Variants in TMEM39A observed in about 807,000 individuals in gnomAD.
The protein encoded by TMEM39A is transmembrane protein 39A, also known as suppressor of SQST-1 aggregates in rpl-43 mutants.
A neutral mutation model predicts 51.9 loss-of-function variants in TMEM39A; 19 were observed. The ratio of observed to expected loss-of-function variants is 0.37; its 90% CI spans 0.26 to 0.54. TMEM39A has a LOEUF of 0.54. Among genes scored for constraint, TMEM39A ranks in the 20% least tolerant of loss-of-function variants. TMEM39A has a pLI of 0.88. For synonymous variants in TMEM39A, 197 were observed against 220.2 expected, an observed-to-expected ratio of 0.89 and a Z score of 0.93; for missense variants, 433 against 590.5, an observed-to-expected ratio of 0.73 and a Z score of 2.76.
In TMEM39A at chr3:119,447,757, T is replaced by A. The variant is rs577836117; in HGVS notation, c.421-585A>T. ...CTCCTGCCTCAGCCTCCTGAGTAGC[T>A]GGGATACAGGCGTACACCACCACGC... On this transcript the variant is annotated intron_variant, in intron 4 of 8. Coordinates refer to ENST00000319172, the MANE Select transcript of TMEM39A (RefSeq NM_018266.3). 3.3e-4 allele frequency among the ~76,000 whole-genome samples: 50 copies of A among 152,246 alleles called. No individual in the cohort carries two copies. The South Asian group carries it at 9.8e-3, about 30-fold the overall frequency.
chr3:119,441,609 T>TA (rs1034036109), intron 5 of TMEM39A, among the ~76,000 whole-genome samples: 2 of 152,178 alleles, frequency 1.3e-5, no homozygotes, highest in African/African-American at 4.8e-5. Flanking sequence ...TCCCATAACA[T>TA]AAAAGCACAA....
intron 5 of TMEM39A, among the ~76,000 whole-genome samples, chr3:119,438,522 A>C (rs181165966): frequency 4.4e-4 from 67 of 152,298 alleles, no homozygotes; most frequent in Admixed American, 1.3e-3. Flanking sequence ...GCATGTGTGT[A>C]TATTGAGTAT....
chr3:119,453,607 CCTG>C (rs1258621551), intron 3 of TMEM39A, among the ~76,000 whole-genome samples: 2 of 152,192 alleles, frequency 1.3e-5, no homozygotes, highest in African/African-American at 4.8e-5. Flanking sequence ...CTTTCTCCTT[CCTG>C]CTGGTCAGAT....
chr3:119,458,861 C>G (rs1446078326), intron 2 of TMEM39A, among the ~76,000 whole-genome samples: 2 of 152,108 alleles, frequency 1.3e-5, no homozygotes, highest in African/African-American at 4.8e-5. Context: ...CACCATTGCA[C>G]TACAGCCTGG....
chr3:119,454,529 C>T (rs945104704), intron 3 of TMEM39A, among the ~76,000 whole-genome samples: 3 of 152,190 alleles, frequency 2.0e-5, no homozygotes, highest in East Asian at 1.9e-4. Context: ...CGGTGGCTCA[C>T]GCCTGTAATC....
At chr3:119,437,708 T>C (rs950476171) in intron 6 of TMEM39A, 47 bp downstream of exon 6, 1 of 1,409,960 alleles carries the variant, frequency 7.1e-7, no homozygotes, top group African/African-American at 1.4e-5. Context: ...GTTTATGTAA[T>C]TCACACACAA....
At chr3:119,457,197 C>T (rs2081276940) in intron 3 of TMEM39A, among the ~76,000 whole-genome samples, 1 of 151,508 alleles carries the variant, frequency 6.6e-6, no homozygotes, top group African/African-American at 2.4e-5. Flanking sequence ...GTCTCGATCT[C>T]TTAACTTCGT....
intron 2 of TMEM39A, 24 bp downstream of exon 2, chr3:119,461,938 T>A: frequency 6.4e-7 from 1 of 1,566,524 alleles, no homozygotes; most frequent in Non-Finnish European, 8.8e-7. Flanking sequence ...ATTAAAATTA[T>A]ATATAGCCTT....
intron 7 of TMEM39A, chr3:119,435,577 TAAAAAAAA>T (rs766264250): frequency 1.9e-6 from 1 of 521,354 alleles, no homozygotes; most frequent in African/African-American, 2.2e-5. Flanking sequence ...TTAAGCTTTT[TAAAAAAAA>T]AAAAAAAAAT....
chr3:119,431,933 G>A lies in TMEM39A; in HGVS notation c.*48C>T, dbSNP rs779001283. Reference sequence around the variant, plus strand: ...AAAAATCACAAGAAAAAAATAGAACGTATGAAAATATTTTTATCTGAGTTC... The same window carrying A: ...AAAAATCACAAGAAAAAAATAGAACATATGAAAATATTTTTATCTGAGTTC... On this transcript the variant is annotated 3_prime_UTR_variant, in exon 9 of 9. Transcript: ENST00000319172. 14 of 1,218,108 alleles carry A rather than the reference G, an allele frequency of 1.1e-5. No individual in the cohort carries two copies. Among genetic ancestry groups the A allele is most frequent in the South Asian group, 1.7e-5 (1 of 58,116 alleles). The allele number at this position is 1,218,108 out of a possible 1,614,324, so 75.5% of individuals were successfully genotyped here.
chr3:119,429,002 G>C lies in TMEM39A; in HGVS notation c.*2979C>G, dbSNP rs2080867831. 6.6e-6 allele frequency among the ~76,000 whole-genome samples: 1 copy of C among 152,058 alleles called. No individual in the cohort carries two copies. ...TTTATTGGGCTTCACACTCAAGATT[G>C]TTAATAGATCTGATATCTATTACGT... On this transcript the variant is annotated 3_prime_UTR_variant, in exon 9 of 9. Transcript: ENST00000319172.
At chr3:119,454,151 T>G (rs945047694) in intron 3 of TMEM39A, among the ~76,000 whole-genome samples, 1 of 152,192 alleles carries the variant, frequency 6.6e-6, no homozygotes, top group Non-Finnish European at 1.5e-5. Flanking sequence ...ATAATTATTG[T>G]AGTGGGGCAA....
Position 119,436,781 on chromosome 3 carries a change from G to C in TMEM39A, c.1112+10C>G. ...AAGTGTTACATGGTTTTACCCTCTA[G>C]CTTACTCACATGTGCTGTGGAGCAT... On this transcript the variant is annotated intron_variant, in intron 7 of 8. Coordinates refer to ENST00000319172, the MANE Select transcript of TMEM39A (RefSeq NM_018266.3). The C allele has an allele frequency of 6.2e-7, 1 of 1,605,440 alleles. No individual in the cohort carries two copies. The highest frequency in any genetic ancestry group is 8.5e-7 in the Non-Finnish European group (1 of 1,174,062).
At chr3:119,432,525 G>A (rs758351623) in intron 8 of TMEM39A, among the ~76,000 whole-genome samples, 3 of 151,926 alleles carry the variant, frequency 2.0e-5, no homozygotes, top group Non-Finnish European at 4.4e-5. Context: ...TTTTATTTAG[G>A]ATAAACACAA....
At chr3:119,443,063 C>CAAAAAAA in intron 5 of TMEM39A, among the ~76,000 whole-genome samples, 1 of 53,092 alleles carries the variant, frequency 1.9e-5, no homozygotes, top group Non-Finnish European at 3.7e-5. Flanking sequence ...GACCCTGTCT[C>CAAAAAAA]AAAAAAAAAA....
rs942610642 is a variant in TMEM39A at position 119,430,785 on chromosome 3, T to C, written c.*1196A>G. ...CAGAGCCAGCTTGTCAACGACATGA[T>C]TGGTCTTTTTACTTCATAAGTCTTA... On this transcript the variant is annotated 3_prime_UTR_variant, in exon 9 of 9. Transcript: ENST00000319172. 2 of 152,082 alleles carry C rather than the reference T, an allele frequency of 1.3e-5. No individual in the cohort carries two copies. Among genetic ancestry groups the C allele is most frequent in the Non-Finnish European group, 2.9e-5 (2 of 67,970 alleles). 9.4% of individuals were successfully genotyped at this position (152,082 alleles called of 1,614,324 possible).
chr3:119,446,354 T>C (rs181061242), intron 5 of TMEM39A, among the ~76,000 whole-genome samples: 3 of 151,110 alleles, frequency 2.0e-5, no homozygotes, highest in African/African-American at 4.8e-5. Context: ...GTCCATCTAA[T>C]AACCAAGTCC....
rs760101582 is a variant in TMEM39A, at chr3:119,436,942, G to A, written c.961C>T (p.His321Tyr). 6.2e-7 allele frequency: 1 copy of A among 1,613,856 alleles called. No homozygotes were observed. Among genetic ancestry groups the A allele is most frequent in the Non-Finnish European group, 8.5e-7 (1 of 1,179,814 alleles). ...QYYDMRWSCE[H>Y]LIMVWINAFV... ...GCATTGATCCACACCATAATGAGGT[G>A]CTCACATGACCAGCGCATGTCATAG... The change falls in exon 7 of 9, where the codon CAC becomes TAC. Residue 321 changes from histidine to tyrosine, a missense_variant. By Grantham distance (83) the His-to-Tyr change is moderately conservative (BLOSUM62 2). This residue lies in a region of TMEM39A where 223 missense variants were observed against 328.1 expected (regional missense o/e 0.68). Transcript: ENST00000319172.
chr3:119,462,155 G>A lies in TMEM39A; in HGVS notation c.-74-7C>T, dbSNP rs1381082435. ...TTGTCAACCAGTTTCAACTCTGAAC[G>A]ACAACAAAAACATTTAAACATCAGT... is the stretch of plus-strand genomic sequence containing the variant. On this transcript the variant is annotated splice_polypyrimidine_tract_variant and splice_region_variant and intron_variant, in intron 1 of 8. Transcript: ENST00000319172. 3 of 1,043,764 alleles carry A rather than the reference G, an allele frequency of 2.9e-6. No homozygotes were observed. The highest frequency in any genetic ancestry group is 4.3e-6 in the Non-Finnish European group (3 of 692,846). 64.7% of individuals were successfully genotyped at this position (1,043,764 alleles called of 1,614,324 possible). A position where few individuals can be genotyped will look rare whatever the true frequency, so the allele number is the denominator to read the frequency against.
Sources: gnomAD v4.1 joint callset for allele counts (sites outside exome capture counted in the v4.1 genomes callset) on GRCh38, gnomAD v4.1.1 for gene constraint, gnomAD v4.1.1 regional missense constraint, MANE v1.5 for transcripts, NCBI Gene and HGNC (gene_info 2026-07-23, HGNC 2026-07-21) for gene names.